Variants in ZNF786 observed in about 807,000 individuals in gnomAD.
ZNF786 encodes zinc finger protein 786.
A neutral mutation model predicts 63.1 loss-of-function variants in ZNF786; 56 were observed. The observed-to-expected ratio is 0.89, with a 90% CI of 0.72 to 1.11. ZNF786 has a LOEUF of 1.11. ZNF786 is among the 50% of genes least tolerant of loss of function. The pLI is 0.00. For missense variants in ZNF786, 1,213 were observed against 1,041.8 expected (o/e 1.16, Z -2.26); for synonymous variants, 485 against 406.9 (o/e 1.19, Z -2.31).
Position 149,071,906 on chromosome 7 carries a change from G to A in ZNF786, c.866C>T (p.Pro289Leu), listed in dbSNP as rs746088089. 1 of 1,604,990 alleles carries A rather than the reference G, an allele frequency of 6.2e-7. No homozygotes were observed. The highest frequency in any genetic ancestry group is 8.5e-7 in the Non-Finnish European group (1 of 1,176,650). The stretch of plus-strand genomic sequence containing the variant: ...CTGGGCAGGCTTCTCCCCCTGCTGC[G>A]GGAGGCGGTGGCTGGGATGGGTCAG... ...HELTHPSHRLPQQGEKPAQCT... is the reference protein window; with the variant it reads ...HELTHPSHRLLQQGEKPAQCT... Residue 289 changes from proline (P) to leucine (L), a missense_variant, in exon 4 of 4, where the codon CCG becomes CTG. Transcript: ENST00000491431.
intron 1 of ZNF786, among the ~76,000 whole-genome samples, chr7:149,085,460 A>G (rs1428605039): frequency 6.6e-6 from 1 of 152,174 alleles, no homozygotes; most frequent in African/African-American, 2.4e-5. Context: ...ACATGCCTGT[A>G]GTCCTAGCTA....
chr7:149,088,233 C>T (rs1265683594), intron 1 of ZNF786, among the ~76,000 whole-genome samples: 1 of 152,044 alleles, frequency 6.6e-6, no homozygotes, highest in Non-Finnish European at 1.5e-5. Flanking sequence ...GAATTCCTGA[C>T]CTCAGGTGAT....
intron 3 of ZNF786, among the ~76,000 whole-genome samples, chr7:149,073,713 GTA>G (rs1283904527): frequency 3.2e-5 from 4 of 125,912 alleles, no homozygotes; most frequent in South Asian, 2.8e-4. Flanking sequence ...ACGTGTGTGT[GTA>G]TATGTGTGCG....
intron 1 of ZNF786, among the ~76,000 whole-genome samples, chr7:149,083,436 C>T (rs1019873753): frequency 2.0e-5 from 3 of 151,932 alleles, no homozygotes; most frequent in African/African-American, 7.3e-5. Context: ...AGGCTGGTCT[C>T]GAACTTCTGA....
chr7:149,083,596 T>C (rs1180797041), intron 1 of ZNF786, among the ~76,000 whole-genome samples: 2 of 152,186 alleles, frequency 1.3e-5, no homozygotes, highest in Admixed American at 6.6e-5. Flanking sequence ...TACAGGTAAA[T>C]TGCATGTTGT....
chr7:149,082,599 T>C (rs1206954722), intron 1 of ZNF786: 1 of 269,056 alleles, frequency 3.7e-6, no homozygotes, highest in Non-Finnish European at 5.6e-6. Flanking sequence ...TTTTTTTTTT[T>C]GAGACGGCAT....
intron 1 of ZNF786, among the ~76,000 whole-genome samples, chr7:149,090,339 C>T (rs1563141295): frequency 1.3e-5 from 2 of 151,862 alleles, no homozygotes; most frequent in Non-Finnish European, 2.9e-5. Flanking sequence ...CCGTCCGCTC[C>T]CCGTCCGCCC....
In ZNF786 at chr7:149,071,526, G is replaced by A. The variant is rs1180147167; in HGVS notation, c.1246C>T (p.Gln416Ter). 3 of 1,613,180 alleles carry A rather than the reference G, an allele frequency of 1.9e-6. No homozygotes were observed. Among genetic ancestry groups the A allele is most frequent in the Admixed American group, 1.7e-5 (1 of 60,014 alleles). ...GGTCTCTCCCCACCGTGCGCGTGCT[G>A]GTGGACCTGCAGCAGGCGGCGCAGG... is the stretch of plus-strand genomic sequence containing the variant. ...FRLRRLLQVH[Q>*]HAHGGERPFS... Residue 416 changes from glutamine (Q) to a stop codon, truncating the protein, a stop_gained, in exon 4 of 4, where the codon CAG becomes TAG. Coordinates refer to ENST00000491431, the MANE Select transcript of ZNF786 (RefSeq NM_152411.4). LOFTEE classifies it high-confidence loss of function.
chr7:149,078,991 T>G (rs1468318039), intron 2 of ZNF786, among the ~76,000 whole-genome samples: 4 of 152,354 alleles, frequency 2.6e-5, no homozygotes. Context: ...TAGTAATTAA[T>G]TCTGTCTAAA....
At position 149,071,981 on chromosome 7, in the gene ZNF786, C is replaced by G. The variant is rs1157691678; in HGVS notation, c.791G>C (p.Gly264Ala). The G allele has an allele frequency of 6.2e-7, 1 of 1,612,550 alleles. No individual in the cohort carries two copies. Among genetic ancestry groups the G allele is most frequent in the African/African-American group, 1.3e-5 (1 of 74,924 alleles). The change falls in exon 4 of 4, where the codon GGG becomes GCG. Residue 264 changes from glycine to alanine, a missense_variant. Physicochemically the swap from Gly to Ala is moderately conservative, Grantham distance 60. Transcript: ENST00000491431. ...GTCAGCGTTCCGGAAGGGGCCCCTCCCCGTGTGGGCCGCCAGATGGCGCAG... is the reference window on the plus strand; with the variant it reads ...GTCAGCGTTCCGGAAGGGGCCCCTCGCCGTGTGGGCCGCCAGATGGCGCAG... The part of the protein sequence containing the change: ...CLLRHLAAHT[G>A]RGPFRNADGE...
In ZNF786 at chr7:149,071,614, G is replaced by T; in HGVS notation, c.1158C>A (p.Ser386Arg). 6.3e-7 allele frequency: 1 copy of T among 1,594,724 alleles called. No homozygotes were observed. The highest frequency in any genetic ancestry group is 8.5e-7 in the Non-Finnish European group (1 of 1,172,652). ...ERSPMSARLA[S>R]PCRAHTGEKP... ...TTTCTCCAGTATGCGCCCTGCAGGG[G>T]CTGGCGAGCCTGGCGCTCATAGGGG... The change falls in exon 4 of 4, where the codon AGC becomes AGA. Residue 386 changes from serine (S) to arginine (R), a missense_variant. Transcript: ENST00000491431.
intron 2 of ZNF786, among the ~76,000 whole-genome samples, chr7:149,077,439 A>G (rs1217074410): frequency 6.6e-6 from 1 of 151,592 alleles, no homozygotes; most frequent in Non-Finnish European, 1.5e-5. Context: ...CATCCTGGCA[A>G]ACACGGTGAA....
chr7:149,087,128 C>T (rs1386317908), intron 1 of ZNF786, among the ~76,000 whole-genome samples: 2 of 152,194 alleles, frequency 1.3e-5, no homozygotes, highest in Non-Finnish European at 2.9e-5. Context: ...CAGGCGTGAG[C>T]CACTGTGCCC....
chr7:149,086,987 C>T lies in ZNF786; in HGVS notation c.18+3636G>A, dbSNP rs942097450. On this transcript the variant is annotated intron_variant, in intron 1 of 3. Transcript: ENST00000491431. ...CCTCCCAAGCAGCTGGGACTACAGG[C>T]GCCTGCCAACATGCTCGGCTAATTT... Among the ~76,000 whole-genome samples the T allele has an allele frequency of 5.3e-5, 8 of 152,122 alleles. No individual in the cohort carries two copies. In the South Asian group the frequency reaches 6.2e-4, roughly 12 times the overall value.
Position 149,071,276 on chromosome 7 carries a change from T to C in ZNF786, c.1496A>G (p.His499Arg), listed in dbSNP as rs201774113. 7.5e-4 allele frequency: 1,209 copies of C among 1,612,882 alleles called. 2 individuals are homozygous for C. Among genetic ancestry groups the C allele is most frequent in the Non-Finnish European group, 9.3e-4 (1,092 of 1,179,552 alleles). Residue 499 changes from histidine (H) to arginine (R), a missense_variant, in exon 4 of 4, where the codon CAC (histidine) becomes CGC (arginine). Coordinates refer to ENST00000491431, the MANE Select transcript of ZNF786 (RefSeq NM_152411.4). The stretch of plus-strand genomic sequence containing the variant: ...CCTCTCCCCACCGTGCCGGAGCCGG[T>C]GGGCTCTCAGCATGCTCTCCAGGCG... The part of the protein sequence containing the change: ...SFRLESMLRA[H>R]RLRHGGERPF...
In ZNF786 at chr7:149,071,546, C is replaced by T; in HGVS notation, c.1226G>A (p.Arg409His). The T allele has an allele frequency of 1.2e-6, 2 of 1,612,234 alleles. No individual in the cohort carries two copies. The highest frequency in any genetic ancestry group is 1.7e-6 in the Non-Finnish European group (2 of 1,179,572). Reference protein sequence around the residue: ...CAHCTKRFRLRRLLQVHQHAH... With the variant: ...CAHCTKRFRLHRLLQVHQHAH... Reference sequence around the variant, plus strand: ...GTGCTGGTGGACCTGCAGCAGGCGGCGCAGGCGGAAGCGCTTGGTGCAATG... The same window carrying T: ...GTGCTGGTGGACCTGCAGCAGGCGGTGCAGGCGGAAGCGCTTGGTGCAATG... The change falls in exon 4 of 4, where the codon CGC becomes CAC. Residue 409 changes from arginine to histidine, a missense_variant. Coordinates refer to ENST00000491431, the MANE Select transcript of ZNF786 (RefSeq NM_152411.4).
In ZNF786 at chr7:149,071,053, G is replaced by A. The variant is rs755735980; in HGVS notation, c.1719C>T (p.Gly573=). 7.4e-6 allele frequency: 12 copies of A among 1,612,266 alleles called. No homozygotes were observed. The highest frequency in any genetic ancestry group is 6.8e-6 in the Non-Finnish European group (8 of 1,179,778). Reference sequence around the variant, plus strand: ...CCGTGAGCTTGGATTGTCTGGTGAAGCCCTTGCCACACTCCCCGCACGAGA... The same window carrying A: ...CCGTGAGCTTGGATTGTCTGGTGAAACCCTTGCCACACTCCCCGCACGAGA... The part of the protein sequence containing the change: ...RPFSCGECGK[G]FTRQSKLTEH... Residue 573 remains glycine, a synonymous_variant, in exon 4 of 4, where the codon GGC becomes GGT. Coordinates refer to ENST00000491431, the MANE Select transcript of ZNF786 (RefSeq NM_152411.4).
At chr7:149,084,205 AC>A (rs749992098) in intron 1 of ZNF786, among the ~76,000 whole-genome samples, 1 of 151,972 alleles carries the variant, frequency 6.6e-6, no homozygotes, top group Non-Finnish European at 1.5e-5. Flanking sequence ...TACTAAAAAT[AC>A]AAAAAATTAG....
rs112836715 is a variant in ZNF786 at position 149,089,470 on chromosome 7, C to T, written c.18+1153G>A. Among the ~76,000 whole-genome samples the T allele has an allele frequency of 4.7e-3, 716 of 152,194 alleles. 4 individuals carry two copies. The highest frequency in any genetic ancestry group is 0.01 in the South Asian group (50 of 4,820). On this transcript the variant is annotated intron_variant, in intron 1 of 3. Transcript: ENST00000491431. ...AGCTGGGATTACAGGCGTCCGCCAC[C>T]ACACTCAGCTAATTTTCGTATTTTT... is the stretch of plus-strand genomic sequence containing the variant.
Sources: gnomAD v4.1 joint callset for allele counts (sites outside exome capture counted in the v4.1 genomes callset) on GRCh38, gnomAD v4.1.1 for gene constraint, MANE v1.5 for transcripts, NCBI Gene and HGNC (gene_info 2026-07-23, HGNC 2026-07-21) for gene names.